Variants in BCO1 observed in about 807,000 individuals in gnomAD.
The protein encoded by BCO1 is beta-carotene oxygenase 1.
A neutral mutation model predicts 56.3 loss-of-function variants in BCO1; 54 were observed. That is an observed-to-expected ratio of 0.96 (90% CI 0.77 to 1.20). The LOEUF (loss-of-function observed/expected upper bound fraction) is 1.20, where lower values mean the gene tolerates loss of function less well. Among genes scored for constraint, BCO1 ranks in the 50% most tolerant of loss-of-function variants. The pLI is 0.00. For synonymous variants in BCO1, 318 were observed against 266.1 expected, an observed-to-expected ratio of 1.20 and a Z score of -1.90; for missense variants, 801 against 690.9, an observed-to-expected ratio of 1.16 and a Z score of -1.79.
chr16:81,286,681 C>G (rs1021993895), intron 9 of BCO1, among the ~76,000 whole-genome samples: 4 of 151,836 alleles, frequency 2.6e-5, no homozygotes, highest in Non-Finnish European at 5.9e-5. Flanking sequence ...AAGACCCTGT[C>G]TCTATATTAA....
chr16:81,287,511 G>A (rs533000853), intron 10 of BCO1, 105 bp downstream of exon 10: 1 of 853,636 alleles, frequency 1.2e-6, no homozygotes, highest in Admixed American at 2.0e-5. Context: ...CATAAAGGGG[G>A]TGGATTGGTG....
Position 81,270,294 on chromosome 16 carries a change from G to A in BCO1, c.979G>A (p.Glu327Lys), listed in dbSNP as rs572933939. 4.4e-5 allele frequency: 71 copies of A among 1,614,086 alleles called. No homozygotes were observed. Among genetic ancestry groups the A allele is most frequent in the Admixed American group, 2.5e-4 (15 of 59,988 alleles). Residue 327 changes from glutamate (E) to lysine (K), a missense_variant, in exon 7 of 11, where the codon GAG becomes AAG. Transcript: ENST00000258168. ...CATCGTGTTTGACGTCATTGCCTAC[G>A]AGGACAACAGCCTCTACCAGCTCTT... ...GCIVFDVIAYEDNSLYQLFYL... is the reference protein window; with the variant it reads ...GCIVFDVIAYKDNSLYQLFYL...
intron 1 of BCO1, among the ~76,000 whole-genome samples, chr16:81,244,705 C>G (rs892682578): frequency 6.7e-6 from 1 of 148,318 alleles, no homozygotes; most frequent in Non-Finnish European, 1.5e-5. Flanking sequence ...ACGTCTGTAG[C>G]GTTGCCCCTA....
At chr16:81,286,036 G>GT (rs1484419061) in intron 9 of BCO1, among the ~76,000 whole-genome samples, 2 of 142,182 alleles carry the variant, frequency 1.4e-5, no homozygotes, top group Non-Finnish European at 3.0e-5. Context: ...GTTTTGTTTT[G>GT]TTTTTTCCTT....
At chr16:81,243,671 G>A (rs867830697) in intron 1 of BCO1, among the ~76,000 whole-genome samples, 1 of 152,120 alleles carries the variant, frequency 6.6e-6, no homozygotes, top group African/African-American at 2.4e-5. Context: ...GTTTCACCAT[G>A]TTGGCCAGGC....
intron 7 of BCO1, among the ~76,000 whole-genome samples, chr16:81,280,223 A>G (rs1907787377): frequency 1.4e-5 from 2 of 143,358 alleles, no homozygotes; most frequent in South Asian, 4.6e-4. Flanking sequence ...AGATCACACC[A>G]CTGCACTCCG....
chr16:81,273,010 C>T (rs1336489390), intron 7 of BCO1, among the ~76,000 whole-genome samples: 1 of 151,998 alleles, frequency 6.6e-6, no homozygotes, highest in Non-Finnish European at 1.5e-5. Context: ...TGTTGTGTCA[C>T]CCAGGCTGGA....
rs922471115 is a variant in BCO1, at chr16:81,271,995, C to T, written c.1101+1579C>T. Among the ~76,000 whole-genome samples the T allele has an allele frequency of 1.1e-4, 16 of 152,284 alleles. No homozygotes were observed. The East Asian group carries it at 2.3e-3, about 22-fold the overall frequency. On this transcript the variant is annotated intron_variant, in intron 7 of 10. Coordinates refer to ENST00000258168, the MANE Select transcript of BCO1 (RefSeq NM_017429.3). ...CTCCTGAACTCAGGCAATCTGCCCC[C>T]CTACGTCTCCCAAAGTGCTGGGGTT...
chr16:81,262,409 A>C, intron 4 of BCO1, 126 bp downstream of exon 4: 1 of 1,006,652 alleles, frequency 9.9e-7, no homozygotes, highest in South Asian at 1.3e-5. Flanking sequence ...ACACCGTTGG[A>C]TCCCGTGCCC....
intron 1 of BCO1, 49 bp downstream of exon 1, chr16:81,239,021 T>TTA: frequency 1.9e-5 from 4 of 214,336 alleles, no homozygotes; most frequent in African/African-American, 1.0e-4. Context: ...TATTTTATTA[T>TTA]TTTTTTTTTT....
intron 2 of BCO1, among the ~76,000 whole-genome samples, chr16:81,249,521 G>C (rs571474260): frequency 6.6e-6 from 1 of 152,260 alleles, no homozygotes; most frequent in East Asian, 1.9e-4. Context: ...CTCCCAAAAT[G>C]CTGGGATTAC....
chr16:81,242,742 C>T (rs923883726), intron 1 of BCO1, among the ~76,000 whole-genome samples: 3 of 152,036 alleles, frequency 2.0e-5, no homozygotes, highest in East Asian at 1.9e-4. Flanking sequence ...CAGGGGTCCC[C>T]GACCCTCGAG....
chr16:81,286,274 A>C (rs1463726709), intron 9 of BCO1, among the ~76,000 whole-genome samples: 2 of 152,186 alleles, frequency 1.3e-5, no homozygotes, highest in South Asian at 4.2e-4. Flanking sequence ...CTTCTTTTTA[A>C]TGTCTTCATT....
At chr16:81,290,237 G>A in intron 10 of BCO1, 111 bp from the exon 11 acceptor site, 1 of 905,056 alleles carries the variant, frequency 1.1e-6, no homozygotes, top group Non-Finnish European at 1.8e-6. Flanking sequence ...ACTCCCTCCT[G>A]TTTTGGTTAG....
rs529403146 is a variant in BCO1 at position 81,240,664 on chromosome 16, C to A, written c.64+1692C>A. On this transcript the variant is annotated intron_variant, in intron 1 of 10. Transcript: ENST00000258168. ...AGGTTGCAGTGAGCTGAGATCGTGC[C>A]ACTGCACTCTGGCCTTGGCAAGAGT... Among the ~76,000 whole-genome samples, 6 of 151,878 alleles carry A rather than the reference C, an allele frequency of 4.0e-5. No homozygotes were observed. The East Asian group carries it at 9.7e-4, about 25-fold the overall frequency.
rs1904974172 is a variant in BCO1 at position 81,238,796 on chromosome 16, G to GGGAAGGAGCAGGAGAGCA, written c.-105_-88dup. ...TCAGGAGAGACAGAGATGTGAAGGA[G>GGGAAGGAGCAGGAGAGCA]GGAAGGAGCAGGAGAGCAGGAAGGA... On this transcript the variant is annotated 5_prime_UTR_variant, in exon 1 of 11. Transcript: ENST00000258168. 3.3e-6 allele frequency: 3 copies of GGGAAGGAGCAGGAGAGCA among 916,492 alleles called. No homozygotes were observed. The highest frequency in any genetic ancestry group is 1.6e-5 in the African/African-American group (1 of 61,306). 56.8% of individuals were successfully genotyped at this position (916,492 alleles called of 1,614,324 possible).
chr16:81,276,100 C>T (rs901368721), intron 7 of BCO1, among the ~76,000 whole-genome samples: 2 of 152,246 alleles, frequency 1.3e-5, no homozygotes, highest in African/African-American at 4.8e-5. Context: ...GGTTTGGTTT[C>T]TGTCTCCAAA....
chr16:81,241,794 C>G (rs1905130118), intron 1 of BCO1, among the ~76,000 whole-genome samples: 1 of 152,180 alleles, frequency 6.6e-6, no homozygotes, highest in Non-Finnish European at 1.5e-5. Flanking sequence ...CATCCATGGG[C>G]AAACAGCTAA....
At chr16:81,245,676 A>G (rs536416616) in intron 2 of BCO1, 73 bp downstream of exon 2, 70 of 1,593,968 alleles carry the variant, frequency 4.4e-5, no homozygotes, top group Middle Eastern at 1.8e-4. Context: ...AAACAGCACA[A>G]ATTTATTCTT....
Sources: gnomAD v4.1 joint callset for allele counts (sites outside exome capture counted in the v4.1 genomes callset) on GRCh38, gnomAD v4.1.1 for gene constraint, MANE v1.5 for transcripts, NCBI Gene and HGNC (gene_info 2026-07-23, HGNC 2026-07-21) for gene names.